Variants in ADGRE2 observed in about 807,000 individuals in gnomAD.
The protein encoded by ADGRE2 is CD97 antigen.
A neutral mutation model predicts 100.8 loss-of-function variants in ADGRE2; 83 were observed. The ratio of observed to expected loss-of-function variants is 0.82; its 90% CI spans 0.69 to 0.99. The LOEUF is 0.99. Among genes scored for constraint, ADGRE2 ranks in the 50% least tolerant of loss-of-function variants. The probability of loss-of-function intolerance (pLI) is 0.00; values close to 1 mark genes in which losing one functional copy is unlikely to be tolerated. For missense variants in ADGRE2, 814 were observed against 1,035.7 expected (o/e 0.79, Z 2.94); for synonymous variants, 355 against 413.0 (o/e 0.86, Z 1.70).
intron 9 of ADGRE2, 47 bp from the exon 10 acceptor site, chr19:14,765,444 G>A: frequency 6.2e-7 from 1 of 1,613,424 alleles, no homozygotes; most frequent in Non-Finnish European, 8.5e-7. Flanking sequence ...GACGGCGGGT[G>A]GGAAGTTTAG....
rs1232938858 is a variant in ADGRE2 at position 14,746,978 on chromosome 19, T to C, written c.2025-16A>G. On this transcript the variant is annotated splice_polypyrimidine_tract_variant and intron_variant, in intron 16 of 20. Coordinates refer to ENST00000315576, the MANE Select transcript of ADGRE2 (RefSeq NM_013447.4). ...GAGCCAGCAGCTGAAAAAAGAGAGA[T>C]TAAAAAAAATGCATCAGTTTTTGGA... 1.9e-6 allele frequency: 3 copies of C among 1,588,794 alleles called. No individual in the cohort carries two copies. The highest frequency in any genetic ancestry group is 2.6e-6 in the Non-Finnish European group (3 of 1,165,460).
downstream of ADGRE2, chr19:14,731,273 GC>G (rs1440416356): frequency 7.7e-7 from 1 of 1,303,878 alleles, no homozygotes; most frequent in East Asian, 2.5e-5. Context: ...CACTACTGGG[GC>G]TTGAAGACTC....
intron 16 of ADGRE2, among the ~76,000 whole-genome samples, chr19:14,747,214 A>G (rs999846339): frequency 6.6e-6 from 1 of 152,204 alleles, no homozygotes; most frequent in African/African-American, 2.4e-5. Flanking sequence ...CAATGAAACA[A>G]AAATGGAAGG....
intron 18 of ADGRE2, among the ~76,000 whole-genome samples, chr19:14,745,826 A>G (rs1336869320): frequency 1.3e-5 from 2 of 151,922 alleles, no homozygotes; most frequent in African/African-American, 2.4e-5. Context: ...GCTCCTCTCT[A>G]TGTAAGTGAC....
the ADGRE2 span, among the ~76,000 whole-genome samples, chr19:14,725,837 GC>G: frequency 6.6e-6 from 1 of 152,218 alleles, no homozygotes; most frequent in African/African-American, 2.4e-5. Flanking sequence ...TTGAGTGCCT[GC>G]AGGTTTTTCA....
chr19:14,731,245 C>G, downstream of ADGRE2: 1 of 1,471,382 alleles, frequency 6.8e-7, no homozygotes, highest in Non-Finnish European at 9.2e-7. Flanking sequence ...AGAATCCAAC[C>G]TCTGGATATC....
At chr19:14,771,657 T>TTATTTATTTAG (rs2044214789) in intron 5 of ADGRE2, among the ~76,000 whole-genome samples, 1 of 151,574 alleles carries the variant, frequency 6.6e-6, no homozygotes, top group African/African-American at 2.4e-5. Flanking sequence ...TATTTATTTA[T>TTATTTATTTAG]TTTAGATGGA....
At chr19:14,757,149 C>A (rs534138150) in intron 11 of ADGRE2, among the ~76,000 whole-genome samples, 25 of 152,252 alleles carry the variant, frequency 1.6e-4, no homozygotes, top group African/African-American at 5.8e-4. Flanking sequence ...GCAATTCTCC[C>A]ACCTTGGTGG....
rs560171435 is a variant in ADGRE2, at chr19:14,751,443, G to A, written c.2017C>T (p.Pro673Ser). Residue 673 changes from proline to serine, a missense_variant, in exon 16 of 21, where the codon CCT becomes TCT. Transcript: ENST00000315576. ...AASRPHLYGT[P>S]SRCWLQPEKG... ...GTGAGAATTTGCACTAACCGGGAAGGTGTTCCATAAAGGTGAGGCCTGGAG... is the reference window on the plus strand; with the variant it reads ...GTGAGAATTTGCACTAACCGGGAAGATGTTCCATAAAGGTGAGGCCTGGAG... 4 of 1,612,658 alleles carry A rather than the reference G, an allele frequency of 2.5e-6. No individual in the cohort carries two copies. The South Asian group carries it at 4.4e-5, about 18-fold the overall frequency.
At chr19:14,760,727 T>C (rs2043686610) in intron 11 of ADGRE2, among the ~76,000 whole-genome samples, 1 of 152,152 alleles carries the variant, frequency 6.6e-6, no homozygotes, top group South Asian at 2.1e-4. Flanking sequence ...GTTCAGGCTA[T>C]GGTGGGAAGT....
In ADGRE2 at chr19:14,756,318, A is replaced by T; in HGVS notation, c.1112T>A (p.Val371Glu). The change falls in exon 12 of 21, where the codon GTA becomes GAA. Residue 371 changes from valine (V) to glutamate (E), a missense_variant. By Grantham distance (121) the Val-to-Glu change is moderately radical. This residue lies in a region of ADGRE2 where 569 missense variants were observed against 692.7 expected (regional missense o/e 0.82). Transcript: ENST00000315576. Reference protein sequence around the residue: ...TELSLEVQKQVDRSVTLRQNQ... With the variant: ...TELSLEVQKQEDRSVTLRQNQ... ...CTGTCTCAAGGTGACACTCCTGTCT[A>T]CTTGCTTCTGCACCTCCAGGGACAA... The T allele has an allele frequency of 6.2e-7, 1 of 1,613,938 alleles. No individual in the cohort carries two copies. The highest frequency in any genetic ancestry group is 8.5e-7 in the Non-Finnish European group (1 of 1,179,864).
rs1483554293 is a variant in ADGRE2 at position 14,751,511 on chromosome 19, A to C, written c.1949T>G (p.Val650Gly). ...NRFMKKLMFP[V>G]GYGVPAVTVA... is the part of the protein sequence containing the mutation. ...TGTCACAGCTGGGACTCCGTAGCCC[A>C]CAGGGAACATGAGCTTCTTCATGAA... The change falls in exon 16 of 21, where the codon GTG (valine) becomes GGG (glycine). Residue 650 changes from valine to glycine, a missense_variant. Val to Gly is a moderately radical substitution (Grantham distance 109). Around this residue, in one of 5 missense-constraint regions of ADGRE2, gnomAD observed 569 missense variants for 692.7 expected, o/e 0.82. Coordinates refer to ENST00000315576, the MANE Select transcript of ADGRE2 (RefSeq NM_013447.4). 1.2e-6 allele frequency: 2 copies of C among 1,614,048 alleles called. No homozygotes were observed. The highest frequency in any genetic ancestry group is 1.3e-5 in the African/African-American group (1 of 74,922).
In ADGRE2 at chr19:14,776,791, G is replaced by T; in HGVS notation, c.-35C>A. The T allele has an allele frequency of 6.2e-7, 1 of 1,612,238 alleles. No individual in the cohort carries two copies. Among genetic ancestry groups the T allele is most frequent in the Admixed American group, 1.7e-5 (1 of 59,846 alleles). ...TGAGCTGCCGGCAGGAGCAGCAGGG[G>T]AAAGAGTGAGTGGGACAGGGCTGTC... is the stretch of plus-strand genomic sequence containing the variant. On this transcript the variant is annotated 5_prime_UTR_variant, in exon 2 of 21. Transcript: ENST00000315576.
intron 4 of ADGRE2, among the ~76,000 whole-genome samples, chr19:14,773,306 T>C (rs142798902): frequency 0.041 from 5,965 of 144,756 alleles, 185 homozygotes; most frequent in South Asian, 0.12. Flanking sequence ...TCCTTCCTTC[T>C]TTCCTCCCTC....
the ADGRE2 span, among the ~76,000 whole-genome samples, chr19:14,727,120 T>C: frequency 2.8e-5 from 4 of 141,390 alleles, no homozygotes; most frequent in East Asian, 4.6e-4. Context: ...CTCCGCCTCC[T>C]GGGTTCACAC....
chr19:14,748,935 C>A (rs1367996611), intron 16 of ADGRE2, among the ~76,000 whole-genome samples: 1 of 151,950 alleles, frequency 6.6e-6, no homozygotes, highest in Non-Finnish European at 1.5e-5. Context: ...GGATTATATA[C>A]CCTGACCAGG....
In ADGRE2 at chr19:14,767,245, T is replaced by TC; in HGVS notation, c.356-137_356-136insG. The TC allele has an allele frequency of 3.9e-6, 5 of 1,267,516 alleles. No individual in the cohort carries two copies. The African/African-American group carries it at 7.8e-5, about 20-fold the overall frequency. The allele number at this position is 1,267,516 out of a possible 1,614,324, so 78.5% of individuals were successfully genotyped here. On this transcript the variant is annotated intron_variant, in intron 5 of 20. Coordinates refer to ENST00000315576, the MANE Select transcript of ADGRE2 (RefSeq NM_013447.4). ...CTCCCTTTTCTTTTCTTTCTTTCTT[T>TC]TTTTTTTTTTTGAGACGGAGTCTTG...
intron 2 of ADGRE2, among the ~76,000 whole-genome samples, chr19:14,775,273 GGGATTACAGGCATGA>G (rs2044394040): frequency 1.3e-5 from 2 of 151,606 alleles, no homozygotes; most frequent in South Asian, 4.2e-4. Context: ...TCAAAGTGCT[GGGATTACAGGCATGA>G]GCCATCACGC....
intron 5 of ADGRE2, among the ~76,000 whole-genome samples, chr19:14,769,458 CA>C (rs920325396): frequency 4.6e-5 from 7 of 151,282 alleles, no homozygotes; most frequent in East Asian, 1.9e-4. Flanking sequence ...ACCAGGTAGA[CA>C]AAAAAAACAA....
Sources: gnomAD v4.1 joint callset for allele counts (sites outside exome capture counted in the v4.1 genomes callset) on GRCh38, gnomAD v4.1.1 for gene constraint, gnomAD v4.1.1 regional missense constraint, MANE v1.5 for transcripts, NCBI Gene and HGNC (gene_info 2026-07-23, HGNC 2026-07-21) for gene names.